CSMD1: variants seen among roughly 807,000 people sequenced by gnomAD.
CSMD1 encodes CUB and sushi domain-containing protein 1.
Under a neutral mutation model 417.5 loss-of-function variants are expected in CSMD1, and 213 were observed. That is an observed-to-expected ratio of 0.51 (90% CI 0.46 to 0.57). The LOEUF is 0.57. Ranked by LOEUF, CSMD1 falls within the 20% of genes least tolerant of loss-of-function variation. CSMD1 has a pLI of 0.00. For synonymous variants in CSMD1, 2,862 were observed against 1,736.8 expected, an observed-to-expected ratio of 1.65 and a Z score of -16.11; for missense variants, 6,923 against 4,529.7, an observed-to-expected ratio of 1.53 and a Z score of -15.17.
chr8:2,997,386 T>A (rs570079520), intron 54 of CSMD1, among the ~76,000 whole-genome samples: 1 of 152,218 alleles, frequency 6.6e-6, no homozygotes. Flanking sequence ...GAGGTTCTTG[T>A]CAGAGAAAGA....
At chr8:4,565,531 T>G (rs1337195917) in intron 2 of CSMD1, among the ~76,000 whole-genome samples, 1 of 151,960 alleles carries the variant, frequency 6.6e-6, no homozygotes, top group Non-Finnish European at 1.5e-5. Flanking sequence ...GGTCAGGTGT[T>G]TGAGACAAGC....
chr8:4,844,587 A>G (rs1563568708), intron 1 of CSMD1, among the ~76,000 whole-genome samples: 1 of 152,208 alleles, frequency 6.6e-6, no homozygotes, highest in African/African-American at 2.4e-5. Context: ...AAATGGACAC[A>G]GATTGCTTTT....
intron 2 of CSMD1, among the ~76,000 whole-genome samples, chr8:4,578,332 ATTTTTTTTTTTTTTT>A (rs1172600205): frequency 2.7e-4 from 13 of 48,776 alleles, no homozygotes; most frequent in Non-Finnish European, 4.3e-4. Context: ...CACCCGGCTC[ATTTTTTTTTTTTTTT>A]TTTTTTTTTT....
At chr8:3,009,621 CA>C (rs1164323052) in intron 52 of CSMD1, among the ~76,000 whole-genome samples, 1 of 152,272 alleles carries the variant, frequency 6.6e-6, no homozygotes, top group East Asian at 1.9e-4. Flanking sequence ...GCTAAAGAAA[CA>C]CATTTGAATA....
intron 5 of CSMD1, among the ~76,000 whole-genome samples, chr8:3,905,855 T>C (rs1808072188): frequency 6.6e-6 from 1 of 152,224 alleles, no homozygotes; most frequent in African/African-American, 2.4e-5. Context: ...TTCCGGACTG[T>C]GGACCCAATT....
At chr8:4,082,480 C>A (rs1423283750) in intron 3 of CSMD1, among the ~76,000 whole-genome samples, 1 of 151,832 alleles carries the variant, frequency 6.6e-6, no homozygotes, top group Non-Finnish European at 1.5e-5. Context: ...AGGAGATTAA[C>A]GTAATTTTGA....
chr8:4,791,032 G>C (rs904026814), intron 1 of CSMD1, among the ~76,000 whole-genome samples: 3 of 152,140 alleles, frequency 2.0e-5, no homozygotes, highest in African/African-American at 4.8e-5. Flanking sequence ...ACTATCAGGA[G>C]AGTAAATGGG....
At chr8:3,720,037 G>C (rs75569846) in intron 6 of CSMD1, among the ~76,000 whole-genome samples, 2,267 of 152,290 alleles carry the variant, frequency 0.015, 69 homozygotes, top group African/African-American at 0.051. Flanking sequence ...TCTAGCCTGT[G>C]TGGTTACACA....
rs982847280 is a variant in CSMD1, at chr8:4,266,859, T to A, written c.415+153094A>T. Among the ~76,000 whole-genome samples the A allele has an allele frequency of 8.6e-5, 9 of 104,620 alleles. 1 individual carries two copies. The highest frequency in any genetic ancestry group is 2.3e-4 in the African/African-American group (9 of 38,538). 68.6% of individuals were successfully genotyped at this position (104,620 alleles called of 152,430 possible). ...CAAAAATAAAAATATGATTCAATAT[T>A]TGAAAACATATTAATTCAACGTGTT... On this transcript the variant is annotated intron_variant, in intron 3 of 69. Coordinates refer to ENST00000635120, the MANE Select transcript of CSMD1 (RefSeq NM_033225.6).
At chr8:4,588,649 G>A (rs1799826246) in intron 2 of CSMD1, among the ~76,000 whole-genome samples, 1 of 151,946 alleles carries the variant, frequency 6.6e-6, no homozygotes, top group South Asian at 2.1e-4. Flanking sequence ...GCCGGGCGTG[G>A]TGGCGGGCGC....
chr8:3,770,053 C>A (rs751874725), intron 5 of CSMD1, among the ~76,000 whole-genome samples: 1 of 152,172 alleles, frequency 6.6e-6, no homozygotes, highest in Non-Finnish European at 1.5e-5. Context: ...GATTCCTGAT[C>A]AGGGAAGGCT....
intron 1 of CSMD1, among the ~76,000 whole-genome samples, chr8:4,868,393 C>T (rs1428556033): frequency 2.6e-5 from 4 of 151,984 alleles, no homozygotes; most frequent in Non-Finnish European, 5.9e-5. Context: ...CACCACTACA[C>T]CCGACTAATT....
chr8:4,205,204 C>A (rs942861722), intron 3 of CSMD1, among the ~76,000 whole-genome samples: 2 of 152,188 alleles, frequency 1.3e-5, no homozygotes, highest in South Asian at 4.1e-4. Flanking sequence ...AATAGCATTG[C>A]ACATTTCTCT....
chr8:3,927,478 A>C (rs974104958), intron 5 of CSMD1, among the ~76,000 whole-genome samples: 1 of 151,926 alleles, frequency 6.6e-6, no homozygotes, highest in Non-Finnish European at 1.5e-5. Flanking sequence ...CACCCTGGCC[A>C]ACATGGTGAG....
chr8:4,628,524 G>A (rs974053454), intron 2 of CSMD1, among the ~76,000 whole-genome samples: 2 of 151,234 alleles, frequency 1.3e-5, no homozygotes, highest in East Asian at 3.9e-4. Context: ...TACAGAGAGA[G>A]AAAGAGACAT....
chr8:4,897,991 T>G (rs944872376), intron 1 of CSMD1, among the ~76,000 whole-genome samples: 1 of 152,144 alleles, frequency 6.6e-6, no homozygotes, highest in Non-Finnish European at 1.5e-5. Context: ...GCTACTTTCT[T>G]TTAGCTCTGT....
At chr8:4,644,496 TC>T (rs1803393178) in intron 1 of CSMD1, among the ~76,000 whole-genome samples, 1 of 152,058 alleles carries the variant, frequency 6.6e-6, no homozygotes, top group Admixed American at 6.6e-5. Flanking sequence ...AGCCTCCACC[TC>T]CCAGGTTCAA....
intron 2 of CSMD1, among the ~76,000 whole-genome samples, chr8:4,452,200 T>G (rs984264992): frequency 6.6e-6 from 1 of 152,160 alleles, no homozygotes; most frequent in African/African-American, 2.4e-5. Flanking sequence ...ACGTTTCTGC[T>G]TTTTATCAGT....
chr8:4,478,153 G>A (rs892212214), intron 2 of CSMD1, among the ~76,000 whole-genome samples: 1 of 152,016 alleles, frequency 6.6e-6, no homozygotes, highest in African/African-American at 2.4e-5. Context: ...AGCAAAGATG[G>A]GCAATTTTCT....
Sources: gnomAD v4.1 joint callset for allele counts (sites outside exome capture counted in the v4.1 genomes callset) on GRCh38, gnomAD v4.1.1 for gene constraint, MANE v1.5 for transcripts, NCBI Gene and HGNC (gene_info 2026-07-23, HGNC 2026-07-21) for gene names.